The following IMMP2L variants were observed in gnomAD, a reference collection of about 807,000 sequenced individuals.
IMMP2L encodes the protein mitochondrial inner membrane protease subunit 2.
A neutral mutation model predicts 19.3 loss-of-function variants in IMMP2L; 18 were observed. That is an observed-to-expected ratio of 0.93 (90% CI 0.64 to 1.38). IMMP2L has a LOEUF of 1.38. IMMP2L is among the 40% of genes most tolerant of loss of function. The pLI is 0.00. For missense variants in IMMP2L, 233 were observed against 218.2 expected (o/e 1.07, Z -0.43); for synonymous variants, 76 against 73.0 (o/e 1.04, Z -0.21).
chr7:111,249,213 T>C (rs1046102206), intron 3 of IMMP2L, among the ~76,000 whole-genome samples: 7 of 86,472 alleles, frequency 8.1e-5, no homozygotes, highest in South Asian at 5.2e-4. Flanking sequence ...GTGTGGGATA[T>C]AGTCTCGTGG....
chr7:111,281,198 GAAAGAAA>G lies in IMMP2L; in HGVS notation c.239+206033_239+206039del, dbSNP rs1563004745. 3.7e-4 allele frequency among the ~76,000 whole-genome samples: 17 copies of G among 45,810 alleles called. 1 individual carries two copies. The highest frequency in any genetic ancestry group is 6.0e-4 in the Non-Finnish European group (13 of 21,546). 30.1% of individuals were successfully genotyped at this position (45,810 alleles called of 152,430 possible). On this transcript the variant is annotated intron_variant, in intron 3 of 5. Transcript: ENST00000405709. ...AGAAAGAAAGAAAGAAAGAAAGAAA[GAAAGAAA>G]GAAAGAAAGAAAAAGAAAGAAAGAA...
At chr7:111,225,875 C>T (rs963335709) in intron 3 of IMMP2L, among the ~76,000 whole-genome samples, 1 of 152,066 alleles carries the variant, frequency 6.6e-6, no homozygotes, top group Admixed American at 6.6e-5. Flanking sequence ...TTCTTATGCC[C>T]TCAGGCTACT....
chr7:111,047,171 T>G (rs1317251481), intron 3 of IMMP2L, among the ~76,000 whole-genome samples: 3 of 14,020 alleles, frequency 2.1e-4, no homozygotes, highest in African/African-American at 4.1e-4. Context: ...AAAATGTCTT[T>G]TTTGTTTTTT....
chr7:111,286,437 C>T (rs1820494474), intron 3 of IMMP2L, among the ~76,000 whole-genome samples: 1 of 152,118 alleles, frequency 6.6e-6, no homozygotes, highest in African/African-American at 2.4e-5. Flanking sequence ...GATTACACCA[C>T]ACTACCACTC....
intron 3 of IMMP2L, among the ~76,000 whole-genome samples, chr7:111,441,040 GC>G (rs1459556942): frequency 6.6e-6 from 1 of 151,858 alleles, no homozygotes; most frequent in Non-Finnish European, 1.5e-5. Context: ...AGGAAGTCAG[GC>G]CCTTGCTCTA....
At chr7:111,294,184 T>C (rs1177281455) in intron 3 of IMMP2L, among the ~76,000 whole-genome samples, 1 of 151,924 alleles carries the variant, frequency 6.6e-6, no homozygotes, top group Admixed American at 6.6e-5. Flanking sequence ...CATAGTCATA[T>C]GGCTAGTTGG....
chr7:110,826,995 A>T (rs926099039), intron 5 of IMMP2L, among the ~76,000 whole-genome samples: 1 of 152,194 alleles, frequency 6.6e-6, no homozygotes, highest in Admixed American at 6.6e-5. Flanking sequence ...ACTTGGTGCT[A>T]CTGCTTTGAT....
intron 3 of IMMP2L, among the ~76,000 whole-genome samples, chr7:111,226,820 T>C (rs1813156515): frequency 6.6e-6 from 1 of 152,072 alleles, no homozygotes; most frequent in Admixed American, 6.6e-5. Flanking sequence ...AATTGTAACA[T>C]GCTTTTTGGT....
intron 1 of IMMP2L, among the ~76,000 whole-genome samples, chr7:111,551,695 A>T (rs1198963037): frequency 6.6e-6 from 1 of 152,034 alleles, no homozygotes; most frequent in African/African-American, 2.4e-5. Flanking sequence ...CACCACCATC[A>T]CTACCACCTC....
chr7:110,918,439 C>T (rs1054494720), intron 4 of IMMP2L, among the ~76,000 whole-genome samples: 77 of 145,550 alleles, frequency 5.3e-4, no homozygotes, highest in African/African-American at 1.9e-3. Flanking sequence ...ATAGGAATTT[C>T]TTTTCTTTTT....
intron 3 of IMMP2L, among the ~76,000 whole-genome samples, chr7:111,099,495 A>G (rs1478025377): frequency 6.6e-6 from 1 of 151,732 alleles, no homozygotes; most frequent in African/African-American, 2.4e-5. Flanking sequence ...GAAGCGTTCT[A>G]TATTAGCTGT....
intron 5 of IMMP2L, among the ~76,000 whole-genome samples, chr7:110,813,387 G>A (rs1004398380): frequency 3.3e-5 from 5 of 151,280 alleles, no homozygotes; most frequent in African/African-American, 1.2e-4. Flanking sequence ...TTAATTGTCT[G>A]TGGGTTAAGA....
intron 3 of IMMP2L, among the ~76,000 whole-genome samples, chr7:111,083,622 C>T (rs1207948886): frequency 6.6e-6 from 1 of 152,126 alleles, no homozygotes; most frequent in South Asian, 2.1e-4. Context: ...TCTTCACTAG[C>T]GTGACAACTG....
chr7:111,205,217 C>G lies in IMMP2L; in HGVS notation c.240-241652G>C, dbSNP rs961238. 1.8e-3 allele frequency among the ~76,000 whole-genome samples: 267 copies of G among 152,294 alleles called. 12 individuals carry two copies. The South Asian group carries it at 0.053, about 30-fold the overall frequency. On this transcript the variant is annotated intron_variant, in intron 3 of 5. Transcript: ENST00000405709. ...CCACCTCTTTTATAAGGTCACTAAT[C>G]CCATTCATGAGAGCTCTAGCCTTAT...
At chr7:111,500,650 A>G (rs1442642503) in intron 2 of IMMP2L, among the ~76,000 whole-genome samples, 2 of 152,132 alleles carry the variant, frequency 1.3e-5, no homozygotes, top group African/African-American at 2.4e-5. Flanking sequence ...CGGATCACCA[A>G]CATCCACTTT....
chr7:110,823,918 C>G (rs1803246280), intron 5 of IMMP2L, among the ~76,000 whole-genome samples: 1 of 152,052 alleles, frequency 6.6e-6, no homozygotes, highest in African/African-American at 2.4e-5. Context: ...GTTGAATATA[C>G]TCAGAGGCAG....
chr7:111,368,324 AC>A (rs1829974757), intron 3 of IMMP2L, among the ~76,000 whole-genome samples: 2 of 151,940 alleles, frequency 1.3e-5, no homozygotes, highest in Middle Eastern at 3.2e-3. Context: ...CATTATGGAA[AC>A]CAAAGATGTC....
At chr7:110,796,961 C>T (rs1584860648) in intron 5 of IMMP2L, among the ~76,000 whole-genome samples, 1 of 152,094 alleles carries the variant, frequency 6.6e-6, no homozygotes, top group East Asian at 1.9e-4. Flanking sequence ...TCATTGTAAG[C>T]CTCTGGTTTG....
chr7:111,511,450 G>C (rs1845431778), intron 2 of IMMP2L, among the ~76,000 whole-genome samples: 1 of 151,974 alleles, frequency 6.6e-6, no homozygotes, highest in Non-Finnish European at 1.5e-5. Context: ...TTTGAGACCA[G>C]CCTGGGCAAC....
Sources: allele counts gnomAD v4.1 joint callset (sites outside exome capture counted in the v4.1 genomes callset), GRCh38; gene constraint gnomAD v4.1.1; transcripts MANE v1.5; gene names NCBI Gene and HGNC (gene_info 2026-07-23, HGNC 2026-07-21).